RAPH1: variants seen among roughly 807,000 people sequenced by gnomAD.
RAPH1 encodes ras-associated and pleckstrin homology domains-containing protein 1.
RAPH1 carries 18 observed loss-of-function variants against 88.1 expected under a neutral mutation model. The observed-to-expected ratio is 0.20, with a 90% confidence interval of 0.14 to 0.30. RAPH1 has a LOEUF of 0.30. Among genes scored for constraint, RAPH1 ranks in the 10% least tolerant of loss-of-function variants. RAPH1 has a pLI of 1.00. For synonymous variants in RAPH1, 587 were observed against 559.0 expected (o/e 1.05, Z -0.71); for missense variants, 1,448 against 1,543.2 (o/e 0.94, Z 1.03).
rs1451557135 is a variant in RAPH1 at position 203,441,035 on chromosome 2, G to C, written c.2155C>G (p.Pro719Ala). Residue 719 changes from proline (P) to alanine (A), a missense_variant, in exon 14 of 14, where the codon CCA becomes GCA. This residue lies in a region of RAPH1 where 935 missense variants were observed against 890.1 expected (regional missense o/e 1.05). Transcript: ENST00000319170. ...VPPPPPPPPP[P>A]TPGSAMAQLK... ...TGGGCCATGGCAGAGCCTGGGGTTG[G>C]GGGTGGAGGAGGGGGAGGGGGTGGT... 1 of 1,526,876 alleles carries C rather than the reference G, an allele frequency of 6.5e-7. No individual in the cohort carries two copies. Among genetic ancestry groups the C allele is most frequent in the South Asian group, 1.2e-5 (1 of 83,736 alleles). The allele number at this position is 1,526,876 out of a possible 1,614,324, so 94.6% of individuals were successfully genotyped here.
At chr2:203,482,570 T>C (rs1687777704) in intron 4 of RAPH1, among the ~76,000 whole-genome samples, 1 of 152,264 alleles carries the variant, frequency 6.6e-6, no homozygotes, top group Non-Finnish European at 1.5e-5. Context: ...AAAAAAATCC[T>C]TTGAATTTGC....
intron 4 of RAPH1, among the ~76,000 whole-genome samples, chr2:203,471,923 A>T (rs1278760353): frequency 1.3e-5 from 2 of 152,084 alleles, no homozygotes; most frequent in African/African-American, 4.8e-5. Flanking sequence ...AACTATCCCT[A>T]GGTCCTCATT....
At position 203,436,158 on chromosome 2, in the gene RAPH1, T is replaced by G. The variant is rs1292448930; in HGVS notation, c.*3279A>C. On this transcript the variant is annotated 3_prime_UTR_variant, in exon 14 of 14. Transcript: ENST00000319170. ...GGGGACCCAAGACAGTTCACCAAGA[T>G]AGTTCACAGCCCTTTGCAGGATATG... is the stretch of plus-strand genomic sequence containing the variant. 1.3e-5 allele frequency: 2 copies of G among 152,208 alleles called. No homozygotes were observed. Among genetic ancestry groups the G allele is most frequent in the African/African-American group, 4.8e-5 (2 of 41,460 alleles). 9.4% of individuals were successfully genotyped at this position (152,208 alleles called of 1,614,324 possible).
At chr2:203,442,007 G>C in intron 13 of RAPH1, 1 of 1,553,984 alleles carries the variant, frequency 6.4e-7, no homozygotes. Flanking sequence ...GTGTTGGTGT[G>C]AGACAATTGC....
chr2:203,443,650 AAAGGT>A (rs2098506350), intron 13 of RAPH1: 1 of 152,084 alleles, frequency 6.6e-6, no homozygotes, highest in Non-Finnish European at 1.5e-5. Flanking sequence ...TAAAAAAAAA[AAAGGT>A]AAGGAATGAG....
At position 203,455,493 on chromosome 2, in the gene RAPH1, G is replaced by A. The variant is rs1272943268; in HGVS notation, c.1246C>T (p.Arg416Cys). 7 of 1,613,718 alleles carry A rather than the reference G, an allele frequency of 4.3e-6. No individual in the cohort carries two copies. Among genetic ancestry groups the A allele is most frequent in the Non-Finnish European group, 4.2e-6 (5 of 1,179,850 alleles). Residue 416 changes from arginine (R) to cysteine (C), a missense_variant, in exon 9 of 14, where the codon CGT becomes TGT. Arg to Cys is a radical substitution (Grantham distance 180). Around this residue, in one of 2 missense-constraint regions of RAPH1, gnomAD observed 513 missense variants for 653.1 expected, o/e 0.79. Transcript: ENST00000319170. The part of the protein sequence containing the change: ...KDDGKKSWKK[R>C]YFLLRASGIY... Reference sequence around the variant, plus strand: ...CCAGATGCTCGCAAGAGAAAATAACGCTTTTTCCAGGACTTCTTGCCATCA... The same window carrying A: ...CCAGATGCTCGCAAGAGAAAATAACACTTTTTCCAGGACTTCTTGCCATCA...
At chr2:203,491,597 T>C (rs1688271522) in intron 2 of RAPH1, among the ~76,000 whole-genome samples, 1 of 152,226 alleles carries the variant, frequency 6.6e-6, no homozygotes, top group African/African-American at 2.4e-5. Flanking sequence ...CTTGGCTCAC[T>C]GCAACCTCCG....
intron 4 of RAPH1, among the ~76,000 whole-genome samples, chr2:203,466,423 C>T (rs1168800643): frequency 1.3e-5 from 2 of 152,114 alleles, no homozygotes; most frequent in South Asian, 2.1e-4. Flanking sequence ...TTGTCTTAAG[C>T]TCATGGGGTG....
chr2:203,495,274 A>G lies in RAPH1; in HGVS notation c.80T>C (p.Met27Thr). ...TAGTTCTCCAAGCCAGGCTCCAAAC[A>G]TTTTGTCCAGGTCCTGATCTTCCTT... ...SDKEDQDLDK[M>T]FGAWLGELDK... is the part of the protein sequence containing the mutation. The change falls in exon 2 of 14, where the codon ATG becomes ACG. Residue 27 changes from methionine to threonine, a missense_variant. By Grantham distance (81) the Met-to-Thr change is moderately conservative (BLOSUM62 -1). Transcript: ENST00000319170. The G allele has an allele frequency of 1.9e-6, 3 of 1,614,102 alleles. No homozygotes were observed. The highest frequency in any genetic ancestry group is 2.5e-6 in the Non-Finnish European group (3 of 1,180,006).
In RAPH1 at chr2:203,441,345, T is replaced by C. The variant is rs1484009586; in HGVS notation, c.1845A>G (p.Ile615Met). ...GCTGTGAAGCAGTGTAGGGGGTGAC[T>C]ATCTTAGGTTGCGGGGATAAAGGGG... ...LVPPLSPQPK[I>M]VTPYTASQPS... Residue 615 changes from isoleucine (I) to methionine (M), a missense_variant, in exon 14 of 14, where the codon ATA becomes ATG. Transcript: ENST00000319170. 2.5e-6 allele frequency: 4 copies of C among 1,575,410 alleles called. No individual in the cohort carries two copies. The highest frequency in any genetic ancestry group is 2.7e-5 in the African/African-American group (2 of 73,332).
chr2:203,490,781 G>A (rs541704403), intron 3 of RAPH1, among the ~76,000 whole-genome samples: 2 of 152,036 alleles, frequency 1.3e-5, no homozygotes, highest in Non-Finnish European at 2.9e-5. Context: ...AGTGGCTCAC[G>A]ACTGTAATCC....
chr2:203,434,425 A>G lies in RAPH1; in HGVS notation c.*5012T>C, dbSNP rs1035634263. On this transcript the variant is annotated 3_prime_UTR_variant, in exon 14 of 14. Transcript: ENST00000319170. Reference sequence around the variant, plus strand: ...CCCTTTAACAGTAAACAATGTTTTTAAAACACTTAGCACAAGCTAATTTTA... The same window carrying G: ...CCCTTTAACAGTAAACAATGTTTTTGAAACACTTAGCACAAGCTAATTTTA... 17 of 152,660 alleles carry G rather than the reference A, an allele frequency of 1.1e-4. No homozygotes were observed. Among genetic ancestry groups the G allele is most frequent in the African/African-American group, 4.1e-4 (17 of 41,472 alleles). 9.5% of individuals were successfully genotyped at this position (152,660 alleles called of 1,614,324 possible). A position where few individuals can be genotyped will look rare whatever the true frequency, so the allele number is the denominator to read the frequency against.
intron 4 of RAPH1, among the ~76,000 whole-genome samples, chr2:203,480,250 T>C (rs1687662064): frequency 6.6e-6 from 1 of 152,172 alleles, no homozygotes; most frequent in Admixed American, 6.6e-5. Context: ...AGTGCACATA[T>C]TAAAAAGCAT....
chr2:203,461,533 C>A, intron 5 of RAPH1, 125 bp from the exon 6 acceptor site: 4 of 651,690 alleles, frequency 6.1e-6, no homozygotes, highest in Non-Finnish European at 9.5e-6. Flanking sequence ...CAAATAATGA[C>A]TTCATTATGC....
At chr2:203,466,065 C>T (rs2098528184) in intron 4 of RAPH1, among the ~76,000 whole-genome samples, 2 of 152,170 alleles carry the variant, frequency 1.3e-5, no homozygotes, top group African/African-American at 2.4e-5. Flanking sequence ...AAATGCTACT[C>T]TTTATGCTTA....
chr2:203,508,706 A>T (rs923351448), intron 1 of RAPH1, among the ~76,000 whole-genome samples: 1 of 152,160 alleles, frequency 6.6e-6, no homozygotes, highest in South Asian at 2.1e-4. Flanking sequence ...GAGAGAGATG[A>T]AGGAGGAGAG....
At chr2:203,469,184 C>T (rs992203521) in intron 4 of RAPH1, among the ~76,000 whole-genome samples, 10 of 152,046 alleles carry the variant, frequency 6.6e-5, no homozygotes, top group African/African-American at 1.7e-4. Flanking sequence ...CAAGTGTGGA[C>T]TCTAGGGAAA....
intron 13 of RAPH1, chr2:203,442,288 A>T (rs1358680023): frequency 6.9e-6 from 3 of 437,934 alleles, no homozygotes; most frequent in Non-Finnish European, 8.1e-6. Context: ...TCGTGGAGCT[A>T]ATCATGCACG....
chr2:203,442,141 TA>T, intron 13 of RAPH1: 2 of 1,503,480 alleles, frequency 1.3e-6, no homozygotes, highest in Non-Finnish European at 1.8e-6. Context: ...AAAAATATCA[TA>T]CAGAAAAAGC....
Sources: gnomAD v4.1 joint callset for allele counts (sites outside exome capture counted in the v4.1 genomes callset) on GRCh38, gnomAD v4.1.1 for gene constraint, gnomAD v4.1.1 regional missense constraint, MANE v1.5 for transcripts, NCBI Gene and HGNC (gene_info 2026-07-23, HGNC 2026-07-21) for gene names.